ATP9B: variants seen among roughly 807,000 people sequenced by gnomAD.
ATP9B encodes the protein probable phospholipid-transporting ATPase IIB.
Under a neutral mutation model 146.1 loss-of-function variants are expected in ATP9B, and 110 were observed. The ratio of observed to expected loss-of-function variants is 0.75; its 90% confidence interval spans 0.65 to 0.88. The LOEUF is 0.88. Ranked by LOEUF, ATP9B falls within the 40% of genes least tolerant of loss-of-function variation. The pLI is 0.00. For synonymous variants in ATP9B, 604 were observed against 569.7 expected (o/e 1.06, Z -0.86); for missense variants, 1,499 against 1,496.4 (o/e 1.00, Z -0.03).
intron 8 of ATP9B, among the ~76,000 whole-genome samples, chr18:79,187,364 A>C (rs961822846): frequency 6.6e-6 from 1 of 152,084 alleles, no homozygotes. Flanking sequence ...CCACCTCCAC[A>C]CTGTCCCACA....
At chr18:79,128,733 T>C (rs543311900) in intron 5 of ATP9B, among the ~76,000 whole-genome samples, 1 of 152,296 alleles carries the variant, frequency 6.6e-6, no homozygotes, top group East Asian at 1.9e-4. Context: ...ACTAGAGTGG[T>C]GATGGCAGTG....
At chr18:79,172,549 G>T (rs1444626134) in intron 7 of ATP9B, among the ~76,000 whole-genome samples, 1 of 121,242 alleles carries the variant, frequency 8.2e-6, no homozygotes, top group African/African-American at 3.2e-5. Context: ...GCCTCCCAAG[G>T]TGCTGTGATT....
At chr18:79,209,908 C>CTCT (rs2095568148) in intron 10 of ATP9B, among the ~76,000 whole-genome samples, 1 of 152,172 alleles carries the variant, frequency 6.6e-6, no homozygotes, top group Non-Finnish European at 1.5e-5. Flanking sequence ...AACCTAGGCA[C>CTCT]TCTTGTATTC....
At chr18:79,348,303 C>A in intron 25 of ATP9B, 107 bp downstream of exon 25, 1 of 1,088,002 alleles carries the variant, frequency 9.2e-7, no homozygotes, top group South Asian at 1.4e-5. Context: ...TTGATACAGT[C>A]ATCATTTAGA....
chr18:79,376,010 C>T (rs2097099779), intron 29 of ATP9B: 2 of 985,128 alleles, frequency 2.0e-6, no homozygotes, highest in South Asian at 9.4e-5. Context: ...GTAGATGGTT[C>T]TTCTGTGGAG....
chr18:79,268,341 A>G (rs1210382426), intron 12 of ATP9B, among the ~76,000 whole-genome samples: 2 of 152,154 alleles, frequency 1.3e-5, no homozygotes, highest in Non-Finnish European at 1.5e-5. Context: ...TTGCATATTC[A>G]ATTATTATAA....
In ATP9B at chr18:79,305,617, T is replaced by C. The variant is rs375617769; in HGVS notation, c.1525-1369T>C. ...TGCTTTTTAAAAAAAAAAAATTATC[T>C]ATGAATGTAATTTTAATAGCTTCAA... On this transcript the variant is annotated intron_variant, in intron 14 of 29. Coordinates refer to ENST00000426216, the MANE Select transcript of ATP9B (RefSeq NM_198531.5). 2.4e-3 allele frequency among the ~76,000 whole-genome samples: 365 copies of C among 152,312 alleles called. 1 individual carries two copies. The highest frequency in any genetic ancestry group is 6.4e-3 in the South Asian group (31 of 4,828).
intron 11 of ATP9B, among the ~76,000 whole-genome samples, chr18:79,241,055 G>A (rs1383161017): frequency 2.0e-5 from 3 of 152,202 alleles, no homozygotes; most frequent in African/African-American, 4.8e-5. Context: ...CTATTGGGTT[G>A]TAAGCTGCTT....
chr18:79,205,169 C>T (rs4076227), intron 9 of ATP9B, among the ~76,000 whole-genome samples: 2 of 152,168 alleles, frequency 1.3e-5, no homozygotes, highest in Admixed American at 6.5e-5. Flanking sequence ...GGAGGCCAAA[C>T]GCCTTCCTCA....
Position 79,121,663 on chromosome 18 carries a change from C to T in ATP9B, c.559-4604C>T, listed in dbSNP as rs187728010. Among the ~76,000 whole-genome samples the T allele has an allele frequency of 3.9e-5, 6 of 152,230 alleles. No homozygotes were observed. In the East Asian group the frequency reaches 7.7e-4, roughly 20 times the overall value. On this transcript the variant is annotated intron_variant, in intron 4 of 29. Coordinates refer to ENST00000426216, the MANE Select transcript of ATP9B (RefSeq NM_198531.5). ...CATTGGGCATTTCCTTGGATAGATA[C>T]GCAGGGGATGGACGTGATGGTGGTG...
intron 14 of ATP9B, among the ~76,000 whole-genome samples, chr18:79,306,494 C>T (rs1318778007): frequency 6.6e-6 from 1 of 152,212 alleles, no homozygotes; most frequent in Admixed American, 6.5e-5. Context: ...CAAAACTAGA[C>T]TGTCTAAACT....
intron 12 of ATP9B, among the ~76,000 whole-genome samples, chr18:79,257,475 G>A (rs1353484191): frequency 6.6e-6 from 1 of 152,238 alleles, no homozygotes; most frequent in Non-Finnish European, 1.5e-5. Flanking sequence ...CAGTTACATA[G>A]TGGTAAACAC....
chr18:79,219,024 A>G (rs2095654357), intron 11 of ATP9B, among the ~76,000 whole-genome samples: 1 of 152,246 alleles, frequency 6.6e-6, no homozygotes, highest in African/African-American at 2.4e-5. Flanking sequence ...GAGGAAGAGA[A>G]ACCAGGATAA....
intron 26 of ATP9B, among the ~76,000 whole-genome samples, chr18:79,371,370 TAAAAAAAA>T (rs59110010): frequency 0.055 from 5,401 of 98,042 alleles, 245 homozygotes; most frequent in African/African-American, 0.13. Flanking sequence ...GACTCCGTCT[TAAAAAAAA>T]AAAAAAAAAA....
chr18:79,327,700 T>C (rs80135766), intron 15 of ATP9B, among the ~76,000 whole-genome samples: 1,709 of 46,316 alleles, frequency 0.037, 45 homozygotes, highest in Non-Finnish European at 0.04. Context: ...CCGTGGTTAG[T>C]GTGCTCTCTC....
intron 11 of ATP9B, among the ~76,000 whole-genome samples, chr18:79,224,865 C>G (rs2095713910): frequency 6.6e-6 from 1 of 152,070 alleles, no homozygotes; most frequent in Non-Finnish European, 1.5e-5. Flanking sequence ...ATGGCTGCAG[C>G]TAGGAAACAC....
At chr18:79,207,540 G>A (rs2095546004) in intron 10 of ATP9B, among the ~76,000 whole-genome samples, 2 of 152,218 alleles carry the variant, frequency 1.3e-5, no homozygotes, top group African/African-American at 2.4e-5. Context: ...GGAAGCTGAT[G>A]AGAAATTAGG....
chr18:79,177,272 G>C (rs2095186694), intron 8 of ATP9B, among the ~76,000 whole-genome samples: 1 of 151,770 alleles, frequency 6.6e-6, no homozygotes. Context: ...TTGTCACTCT[G>C]TTGCCCAGAC....
rs1199822992 is a variant in ATP9B, at chr18:79,359,400, G to A, written c.2950G>A (p.Asp984Asn). 6 of 1,613,878 alleles carry A rather than the reference G, an allele frequency of 3.7e-6. No homozygotes were observed. Among genetic ancestry groups the A allele is most frequent in the Middle Eastern group, 1.6e-4 (1 of 6,080 alleles). ...TMFPVFSLVLDQDVKPEMAML... is the reference protein window; with the variant it reads ...TMFPVFSLVLNQDVKPEMAML... ...GTTCCCAGTGTTCTCCTTAGTGCTGGACCAGGACGTGAAGCCAGAGATGGC... is the reference window on the plus strand; with the variant it reads ...GTTCCCAGTGTTCTCCTTAGTGCTGAACCAGGACGTGAAGCCAGAGATGGC... Residue 984 changes from aspartate (D) to asparagine (N), a missense_variant, in exon 26 of 30, where the codon GAC becomes AAC. Transcript: ENST00000426216.
Sources: gnomAD v4.1 joint callset for allele counts (sites outside exome capture counted in the v4.1 genomes callset) on GRCh38, gnomAD v4.1.1 for gene constraint, MANE v1.5 for transcripts, NCBI Gene and HGNC (gene_info 2026-07-23, HGNC 2026-07-21) for gene names.